Variants in PRKCA observed in about 807,000 individuals in gnomAD.
PRKCA encodes the protein protein kinase C alpha, also known as protein kinase C alpha type.
In PRKCA, 27 loss-of-function variants were observed where a neutral mutation model predicts 87.0. That is an observed-to-expected ratio of 0.31 (90% CI 0.23 to 0.43). The LOEUF (loss-of-function observed/expected upper bound fraction) is 0.43. PRKCA is among the 20% of genes least tolerant of loss of function. The pLI is 1.00. For synonymous variants in PRKCA, 329 were observed against 311.1 expected, an observed-to-expected ratio of 1.06 and a Z score of -0.61; for missense variants, 518 against 852.3, an observed-to-expected ratio of 0.61 and a Z score of 4.88.
intron 2 of PRKCA, among the ~76,000 whole-genome samples, chr17:66,319,747 T>TA (rs1303852425): frequency 3.0e-4 from 46 of 151,514 alleles, no homozygotes; most frequent in Admixed American, 9.2e-4. Context: ...TTTTTTTTTT[T>TA]AATTTTTTAT....
chr17:66,441,343 C>CTA (rs1846239576), intron 2 of PRKCA, among the ~76,000 whole-genome samples: 2 of 142,512 alleles, frequency 1.4e-5, no homozygotes, highest in Non-Finnish European at 3.1e-5. Flanking sequence ...CGCCCTGTTT[C>CTA]CAAAAAAAAA....
intron 2 of PRKCA, among the ~76,000 whole-genome samples, chr17:66,355,409 G>A (rs1318629158): frequency 2.6e-5 from 4 of 152,186 alleles, no homozygotes; most frequent in Non-Finnish European, 4.4e-5. Flanking sequence ...GTGCAGTGGT[G>A]ATGGAGCTCC....
Position 66,805,256 on chromosome 17 carries a change from G to A in PRKCA, c.*1219G>A, listed in dbSNP as rs563266632. 4.1e-4 allele frequency: 267 copies of A among 645,300 alleles called. 2 individuals carry two copies. In the African/African-American group the frequency reaches 4.6e-3, roughly 11 times the overall value. The allele number at this position is 645,300 out of a possible 1,614,324, so 40.0% of individuals were successfully genotyped here. A position where few individuals can be genotyped will look rare whatever the true frequency, so the allele number is the denominator to read the frequency against. On this transcript the variant is annotated 3_prime_UTR_variant, in exon 17 of 17. Coordinates refer to ENST00000413366, the MANE Select transcript of PRKCA (RefSeq NM_002737.3). ...TTTGTTAATAGAAGGATTTTAATAC[G>A]TTTTGCAAATGCATCATGCAATGAA... is the stretch of plus-strand genomic sequence containing the variant.
rs149276858 is a variant in PRKCA, at chr17:66,328,331, C to T, written c.205+22204C>T. On this transcript the variant is annotated intron_variant, in intron 2 of 16. Transcript: ENST00000413366. ...AGCTATGATCCTCCTACCTTGGCCT[C>T]CCAAAGTGTTGGGATTACAGGCATG... is the stretch of plus-strand genomic sequence containing the variant. 5.8e-3 allele frequency among the ~76,000 whole-genome samples: 889 copies of T among 152,110 alleles called. 8 individuals are homozygous for T. The highest frequency in any genetic ancestry group is 0.02 in the African/African-American group (849 of 41,520).
At chr17:66,645,201 A>T (rs1383642977) in intron 4 of PRKCA, among the ~76,000 whole-genome samples, 182 bp from the exon 5 acceptor site, 1 of 152,152 alleles carries the variant, frequency 6.6e-6, no homozygotes, top group Admixed American at 6.5e-5. Context: ...GGATATTGTC[A>T]CTCACATGAA....
intron 8 of PRKCA, among the ~76,000 whole-genome samples, chr17:66,717,387 C>T (rs533276353): frequency 6.6e-6 from 1 of 152,302 alleles, no homozygotes; most frequent in African/African-American, 2.4e-5. Context: ...AAAAAGTTTG[C>T]TCACCCTCGA....
intron 2 of PRKCA, among the ~76,000 whole-genome samples, chr17:66,382,403 C>A (rs987033061): frequency 6.6e-6 from 1 of 152,164 alleles, no homozygotes; most frequent in Non-Finnish European, 1.5e-5. Flanking sequence ...CAGGCTTAAG[C>A]GATTCTCCTG....
chr17:66,330,021 TC>T (rs543706074), intron 2 of PRKCA, among the ~76,000 whole-genome samples: 202 of 152,232 alleles, frequency 1.3e-3, no homozygotes, highest in South Asian at 2.9e-3. Context: ...ACTGAGCTGG[TC>T]TTACTCAACC....
intron 14 of PRKCA, chr17:66,775,686 TTGTTTC>T (rs1022741152): frequency 1.0e-6 from 1 of 985,328 alleles, no homozygotes; most frequent in African/African-American, 1.7e-5. Context: ...AAAGACATCT[TTGTTTC>T]TGGGGAAAAA....
chr17:66,639,789 G>A (rs2143791640), intron 3 of PRKCA, among the ~76,000 whole-genome samples: 1 of 151,922 alleles, frequency 6.6e-6, no homozygotes, highest in East Asian at 2.0e-4. Context: ...CTGATGTCAG[G>A]AGTTTGAGAC....
intron 2 of PRKCA, among the ~76,000 whole-genome samples, chr17:66,407,648 G>T (rs1022446630): frequency 6.6e-6 from 1 of 151,754 alleles, no homozygotes; most frequent in Non-Finnish European, 1.5e-5. Flanking sequence ...AATATAGTTT[G>T]TATATGCACA....
intron 13 of PRKCA, among the ~76,000 whole-genome samples, chr17:66,759,881 C>T (rs1168982275): frequency 4.6e-5 from 7 of 152,216 alleles, no homozygotes; most frequent in African/African-American, 1.4e-4. Context: ...GAAAACATAG[C>T]AGTTGTTAAT....
chr17:66,356,045 C>G (rs528930127), intron 2 of PRKCA, among the ~76,000 whole-genome samples: 1 of 151,896 alleles, frequency 6.6e-6, no homozygotes, highest in East Asian at 2.0e-4. Context: ...ATTTCAGGCA[C>G]GTGCCACCAA....
At chr17:66,612,282 G>A (rs537600117) in intron 3 of PRKCA, among the ~76,000 whole-genome samples, 2 of 150,456 alleles carry the variant, frequency 1.3e-5, no homozygotes, top group East Asian at 2.0e-4. Context: ...TTGGGAGGCT[G>A]AGGCAGGAGA....
chr17:66,461,128 C>T (rs1227464688), intron 2 of PRKCA, among the ~76,000 whole-genome samples: 3 of 151,404 alleles, frequency 2.0e-5, no homozygotes, highest in Non-Finnish European at 4.4e-5. Flanking sequence ...ATTGCTTGAG[C>T]CCAGGAATTC....
chr17:66,465,112 A>G (rs988097151), intron 2 of PRKCA, among the ~76,000 whole-genome samples: 1 of 152,210 alleles, frequency 6.6e-6, no homozygotes, highest in Non-Finnish European at 1.5e-5. Flanking sequence ...AAATAAATGA[A>G]TGACTAGGAA....
intron 3 of PRKCA, among the ~76,000 whole-genome samples, chr17:66,568,216 A>C (rs763285597): frequency 4.1e-4 from 63 of 152,320 alleles, no homozygotes; most frequent in Non-Finnish European, 7.3e-4. Context: ...AGGGAGGCTG[A>C]AGCATGAGAA....
chr17:66,683,847 G>T (rs762693682), intron 5 of PRKCA, among the ~76,000 whole-genome samples: 1 of 152,130 alleles, frequency 6.6e-6, no homozygotes, highest in Non-Finnish European at 1.5e-5. Context: ...TGATCCACCT[G>T]CCTCAGCCTC....
intron 3 of PRKCA, among the ~76,000 whole-genome samples, chr17:66,504,521 G>A (rs1377971457): frequency 6.6e-6 from 1 of 152,062 alleles, no homozygotes; most frequent in Non-Finnish European, 1.5e-5. Context: ...GAACCTGGGA[G>A]GCAGAGGTTG....
Sources: allele counts gnomAD v4.1 joint callset (sites outside exome capture counted in the v4.1 genomes callset), GRCh38; gene constraint gnomAD v4.1.1; transcripts MANE v1.5; gene names NCBI Gene and HGNC (gene_info 2026-07-23, HGNC 2026-07-21).